ACSL6: variants seen among roughly 807,000 people sequenced by gnomAD.
ACSL6 encodes the protein acyl-CoA synthetase long chain family member 6.
ACSL6 carries 47 observed loss-of-function variants against 98.2 expected under a neutral mutation model. That is an observed-to-expected ratio of 0.48 (90% CI 0.38 to 0.61). The LOEUF (loss-of-function observed/expected upper bound fraction) is 0.61, where lower values mean the gene tolerates loss of function less well. Ranked by LOEUF, ACSL6 falls within the 20% of genes least tolerant of loss-of-function variation. ACSL6 has a pLI of 0.00. For missense variants in ACSL6, 761 were observed against 913.4 expected, an observed-to-expected ratio of 0.83 and a Z score of 2.15; for synonymous variants, 362 against 336.9, an observed-to-expected ratio of 1.07 and a Z score of -0.82.
chr5:132,007,209 C>G (rs2126967282), intron 1 of ACSL6, among the ~76,000 whole-genome samples: 1 of 152,310 alleles, frequency 6.6e-6, no homozygotes, highest in East Asian at 1.9e-4. Context: ...GTTCTACCCA[C>G]ACCTCCTTGA....
intron 7 of ACSL6, 149 bp from the exon 8 acceptor site, chr5:131,987,003 C>T: frequency 3.9e-6 from 3 of 769,584 alleles, no homozygotes; most frequent in Non-Finnish European, 4.4e-6. Context: ...ACACACACCA[C>T]ACACAAAATC....
chr5:131,972,649 C>A (rs1198427088), intron 13 of ACSL6, 75 bp downstream of exon 13: 9 of 1,547,594 alleles, frequency 5.8e-6, no homozygotes, highest in Non-Finnish European at 7.9e-6. Flanking sequence ...CTGGGATGAA[C>A]TTCTCCAGTT....
Position 131,986,859 on chromosome 5 carries a change from A to G in ACSL6, c.832-5T>C, listed in dbSNP as rs1203919870. ...GTGATTCTCTTGGCCACAGTCCTGA[A>G]AGAAGAAAATGCTGTTTTTAAATGC... On this transcript the variant is annotated splice_polypyrimidine_tract_variant and splice_region_variant and intron_variant, in intron 7 of 20. Coordinates refer to ENST00000651883, the MANE Select transcript of ACSL6 (RefSeq NM_001009185.3). 1.2e-6 allele frequency: 2 copies of G among 1,614,026 alleles called. No individual in the cohort carries two copies. The highest frequency in any genetic ancestry group is 1.7e-6 in the Non-Finnish European group (2 of 1,180,036).
At chr5:132,005,573 T>G (rs1293022392) in intron 1 of ACSL6, among the ~76,000 whole-genome samples, 1 of 152,246 alleles carries the variant, frequency 6.6e-6, no homozygotes, top group East Asian at 1.9e-4. Flanking sequence ...CAATATCTAG[T>G]TGACCTCACT....
chr5:131,986,880 A>C (rs1212573856), intron 7 of ACSL6, 26 bp from the exon 8 acceptor site: 1 of 1,613,750 alleles, frequency 6.2e-7, no homozygotes, highest in South Asian at 1.1e-5. Flanking sequence ...GCTGTTTTTA[A>C]ATGCTCAAAA....
chr5:131,955,460 G>A (rs1456826313), intron 20 of ACSL6, among the ~76,000 whole-genome samples: 4 of 152,124 alleles, frequency 2.6e-5, no homozygotes, highest in Non-Finnish European at 5.9e-5. Context: ...AATATTTATT[G>A]GAAACAGGTC....
At chr5:131,990,517 T>C (rs1754446989) in intron 3 of ACSL6, among the ~76,000 whole-genome samples, 1 of 152,124 alleles carries the variant, frequency 6.6e-6, no homozygotes, top group African/African-American at 2.4e-5. Flanking sequence ...CCTCTTACCC[T>C]GAGAGCACCC....
chr5:132,010,028 C>G (rs1042143477), intron 1 of ACSL6, among the ~76,000 whole-genome samples: 1 of 152,162 alleles, frequency 6.6e-6, no homozygotes, highest in African/African-American at 2.4e-5. Context: ...GTGGCTGTTA[C>G]GACCACCATC....
intron 15 of ACSL6, 77 bp downstream of exon 15, chr5:131,970,051 A>G: frequency 1.5e-6 from 2 of 1,328,366 alleles, no homozygotes; most frequent in Non-Finnish European, 2.2e-6. Flanking sequence ...TTTACTTTCC[A>G]TGAGGGAGTT....
At chr5:131,959,845 T>A (rs1752605582) in intron 19 of ACSL6, 1 of 539,484 alleles carries the variant, frequency 1.9e-6, no homozygotes, top group African/African-American at 1.9e-5. Flanking sequence ...ACCACTCAAT[T>A]TTTTTTTAAA....
intron 10 of ACSL6, chr5:131,975,177 T>G (rs1580652499): frequency 1.5e-6 from 2 of 1,336,856 alleles, no homozygotes. Flanking sequence ...AGGGGGAAGG[T>G]GCAGAAAGAA....
In ACSL6 at chr5:131,967,871, C is replaced by A; in HGVS notation, c.1596+69G>T. On this transcript the variant is annotated intron_variant, in intron 16 of 20. Coordinates refer to ENST00000651883, the MANE Select transcript of ACSL6 (RefSeq NM_001009185.3). ...CAAGGCAAAAGGAAAATCATTCCAT[C>A]CCTACTGTTCTTGTTTTTACTCACT... 6.6e-6 allele frequency: 9 copies of A among 1,363,144 alleles called. No homozygotes were observed. In the South Asian group the frequency reaches 1.1e-4, roughly 16 times the overall value. The allele number at this position is 1,363,144 out of a possible 1,614,324, so 84.4% of individuals were successfully genotyped here. A position where few individuals can be genotyped will look rare whatever the true frequency, so the allele number is the denominator to read the frequency against.
At chr5:132,000,140 A>C (rs1455544340) in intron 1 of ACSL6, among the ~76,000 whole-genome samples, 1 of 151,274 alleles carries the variant, frequency 6.6e-6, no homozygotes, top group Non-Finnish European at 1.5e-5. Flanking sequence ...TCTGCTCCCC[A>C]CCCCCACAAG....
At chr5:131,956,008 A>T (rs1034995294) in intron 20 of ACSL6, among the ~76,000 whole-genome samples, 7 of 152,324 alleles carry the variant, frequency 4.6e-5, no homozygotes, top group African/African-American at 1.7e-4. Context: ...ATATGCTTTT[A>T]AAAATGAGAT....
At chr5:132,004,804 C>T (rs1163949111) in intron 1 of ACSL6, among the ~76,000 whole-genome samples, 1 of 152,178 alleles carries the variant, frequency 6.6e-6, no homozygotes, top group Non-Finnish European at 1.5e-5. Context: ...ACCCTCCCTG[C>T]CACCACAGAC....
Position 131,954,073 on chromosome 5 carries a change from T to C in ACSL6, c.*161A>G. On this transcript the variant is annotated 3_prime_UTR_variant, in exon 21 of 21. Coordinates refer to ENST00000651883, the MANE Select transcript of ACSL6 (RefSeq NM_001009185.3). ...AAAAATAAAATATACTCATTGATGATAGAGAAAATATTGTTAAAGACCTCT... is the reference window on the plus strand; with the variant it reads ...AAAAATAAAATATACTCATTGATGACAGAGAAAATATTGTTAAAGACCTCT... The C allele has an allele frequency of 1.9e-6, 1 of 538,364 alleles. No homozygotes were observed. The highest frequency in any genetic ancestry group is 4.1e-5 in the Admixed American group (1 of 24,466). The allele number at this position is 538,364 out of a possible 1,614,324, so 33.3% of individuals were successfully genotyped here. A position where few individuals can be genotyped will look rare whatever the true frequency, so the allele number is the denominator to read the frequency against.
Position 131,953,943 on chromosome 5 carries a change from C to T in ACSL6, c.*291G>A. ...TGTTTAATAGTTCTGTGAACATTGA[C>T]AATATATTACTTTTAGTGGTACACA... is the stretch of plus-strand genomic sequence containing the variant. On this transcript the variant is annotated 3_prime_UTR_variant, in exon 21 of 21. Coordinates refer to ENST00000651883, the MANE Select transcript of ACSL6 (RefSeq NM_001009185.3). 1 of 242,930 alleles carries T rather than the reference C, an allele frequency of 4.1e-6. No homozygotes were observed. The highest frequency in any genetic ancestry group is 7.9e-6 in the Non-Finnish European group (1 of 126,000). The allele number at this position is 242,930 out of a possible 1,614,324, so 15.0% of individuals were successfully genotyped here.
chr5:131,974,195 A>G (rs999712769), intron 11 of ACSL6, among the ~76,000 whole-genome samples: 8 of 152,238 alleles, frequency 5.3e-5, no homozygotes, highest in African/African-American at 1.4e-4. Flanking sequence ...CAGTTTTTTC[A>G]TATGCTGGTC....
chr5:132,012,128 C>G (rs901741247), upstream of ACSL6: 8 of 571,200 alleles, frequency 1.4e-5, no homozygotes, highest in Non-Finnish European at 2.2e-5. Flanking sequence ...CTGTTGCCCG[C>G]TGACACCAAC....
Sources: gnomAD v4.1 joint callset for allele counts (sites outside exome capture counted in the v4.1 genomes callset) on GRCh38, gnomAD v4.1.1 for gene constraint, MANE v1.5 for transcripts, NCBI Gene and HGNC (gene_info 2026-07-23, HGNC 2026-07-21) for gene names.